IGF1R: variants seen among roughly 807,000 people sequenced by gnomAD.
IGF1R encodes insulin like growth factor 1 receptor.
A neutral mutation model predicts 144.6 loss-of-function variants in IGF1R; 44 were observed. That is an observed-to-expected ratio of 0.30 (90% CI 0.24 to 0.39). The LOEUF (loss-of-function observed/expected upper bound fraction) is 0.39, where lower values mean the gene tolerates loss of function less well. Ranked by LOEUF, IGF1R falls within the 10% of genes least tolerant of loss-of-function variation. The pLI, the probability that IGF1R is intolerant of heterozygous loss-of-function variation, is 1.00. For missense variants in IGF1R, 1,355 were observed against 1,833.7 expected (o/e 0.74, Z 4.77); for synonymous variants, 795 against 722.8 (o/e 1.10, Z -1.60).
chr15:98,776,079 G>A (rs2055706011), intron 2 of IGF1R, among the ~76,000 whole-genome samples: 1 of 152,094 alleles, frequency 6.6e-6, no homozygotes, highest in South Asian at 2.1e-4. Context: ...GACTGACTTT[G>A]GTTTTCTCTT....
intron 2 of IGF1R, among the ~76,000 whole-genome samples, chr15:98,713,182 G>A (rs1174221787): frequency 1.3e-5 from 2 of 152,026 alleles, no homozygotes; most frequent in Admixed American, 1.3e-4. Flanking sequence ...TGCAGATTTC[G>A]GGAGGCCTGT....
intron 2 of IGF1R, among the ~76,000 whole-genome samples, chr15:98,792,882 G>GT (rs2056157866): frequency 6.6e-6 from 1 of 152,348 alleles, no homozygotes; most frequent in South Asian, 2.1e-4. Context: ...ACAGATGTAA[G>GT]TTTAACAGGC....
intron 2 of IGF1R, among the ~76,000 whole-genome samples, chr15:98,847,938 C>T (rs557646146): frequency 5.9e-5 from 9 of 152,284 alleles, no homozygotes; most frequent in African/African-American, 1.9e-4. Context: ...TCCGGGAGCT[C>T]ATTTGCAGAG....
chr15:98,793,718 A>C (rs2056177353), intron 2 of IGF1R, among the ~76,000 whole-genome samples: 1 of 152,216 alleles, frequency 6.6e-6, no homozygotes, highest in Non-Finnish European at 1.5e-5. Context: ...TTTTGCCTCA[A>C]ATCCCTTTCA....
chr15:98,658,597 G>A (rs1056867754), intron 1 of IGF1R, among the ~76,000 whole-genome samples: 2 of 152,204 alleles, frequency 1.3e-5, no homozygotes, highest in South Asian at 2.1e-4. Flanking sequence ...AAGGCAGCAC[G>A]CTAAGTCAGG....
chr15:98,699,177 A>C (rs2053666221), intron 1 of IGF1R, among the ~76,000 whole-genome samples: 1 of 152,268 alleles, frequency 6.6e-6, no homozygotes, highest in Non-Finnish European at 1.5e-5. Flanking sequence ...TGTACCTCAC[A>C]GCACCATCCA....
rs753390403 is a variant in IGF1R at position 98,916,019 on chromosome 15, C to T, written c.1884C>T (p.Ile628=). 1.6e-5 allele frequency: 26 copies of T among 1,613,912 alleles called. No individual in the cohort carries two copies. The highest frequency in any genetic ancestry group is 2.1e-5 in the Non-Finnish European group (25 of 1,179,888). The change falls in exon 9 of 21, where the codon ATC becomes ATT. Residue 628 remains isoleucine (I), a synonymous_variant. Transcript: ENST00000650285. The stretch of plus-strand genomic sequence containing the variant: ...CATCGAACTCCTCTTCTCAGTTAAT[C>T]GTGAAGTGGAACCCTCCCTCTCTGC... ...LSASNSSSQL[I]VKWNPPSLPN... is the part of the protein sequence containing the mutation.
At position 98,942,990 on chromosome 15, in the gene IGF1R, C is replaced by T. The variant is rs147952910; in HGVS notation, c.3525C>T (p.Pro1175=). The change falls in exon 19 of 21, where the codon CCC becomes CCT. Residue 1175 remains proline, a synonymous_variant. Transcript: ENST00000650285. The part of the protein sequence containing the change: ...YYRKGGKGLL[P]VRWMSPESLK... ...GGAAAGGAGGGAAAGGGCTGCTGCC[C>T]GTGCGCTGGATGTCTCCTGAGTCCC... The T allele has an allele frequency of 9.3e-6, 15 of 1,613,986 alleles. No individual in the cohort carries two copies. Among genetic ancestry groups the T allele is most frequent in the East Asian group, 6.7e-5 (3 of 44,888 alleles).
intron 2 of IGF1R, among the ~76,000 whole-genome samples, chr15:98,821,705 A>G (rs2056806896): frequency 6.6e-6 from 1 of 152,234 alleles, no homozygotes; most frequent in African/African-American, 2.4e-5. Context: ...TTTATTCATG[A>G]AACCCGGAAA....
intron 2 of IGF1R, among the ~76,000 whole-genome samples, chr15:98,801,573 C>G (rs367984227): frequency 6.6e-6 from 1 of 152,220 alleles, no homozygotes; most frequent in African/African-American, 2.4e-5. Context: ...GAGCAAACCC[C>G]AAGCCGACTG....
intron 20 of IGF1R, among the ~76,000 whole-genome samples, chr15:98,949,104 C>T (rs1283552044): frequency 6.6e-6 from 1 of 152,188 alleles, no homozygotes. Context: ...AGCCCCGCGC[C>T]CCACCTGTGG....
At chr15:98,955,729 C>T (rs540034044) in intron 20 of IGF1R, among the ~76,000 whole-genome samples, 2 of 152,362 alleles carry the variant, frequency 1.3e-5, no homozygotes, top group African/African-American at 4.8e-5. Context: ...AGTGGCTTCT[C>T]TTACATCAGG....
intron 5 of IGF1R, among the ~76,000 whole-genome samples, chr15:98,902,990 G>A (rs1391112655): frequency 1.3e-5 from 2 of 152,076 alleles, no homozygotes; most frequent in Non-Finnish European, 2.9e-5. Flanking sequence ...ATCGCACTCG[G>A]CGTGAGCTGA....
At chr15:98,837,305 C>T (rs977036710) in intron 2 of IGF1R, among the ~76,000 whole-genome samples, 12 of 152,152 alleles carry the variant, frequency 7.9e-5, no homozygotes, top group African/African-American at 2.7e-4. Context: ...GTGGCGCAAT[C>T]TCGGCTCACT....
intron 1 of IGF1R, among the ~76,000 whole-genome samples, chr15:98,693,380 T>C (rs538439195): frequency 2.0e-5 from 3 of 152,300 alleles, no homozygotes; most frequent in African/African-American, 7.2e-5. Context: ...CACCTTGAGC[T>C]TTGTTCTACA....
At chr15:98,660,338 A>G (rs1209696671) in intron 1 of IGF1R, 1 of 152,194 alleles carries the variant, frequency 6.6e-6, no homozygotes, top group East Asian at 1.9e-4. Flanking sequence ...TTGATTCTGC[A>G]TGCAGAATGA....
intron 5 of IGF1R, among the ~76,000 whole-genome samples, chr15:98,908,294 G>A (rs187189108): frequency 6.6e-6 from 1 of 152,336 alleles, no homozygotes; most frequent in Admixed American, 6.5e-5. Flanking sequence ...CAAAGTGTAC[G>A]CTGTTCCGAT....
intron 2 of IGF1R, among the ~76,000 whole-genome samples, chr15:98,746,120 T>A (rs912401295): frequency 4.6e-5 from 7 of 152,166 alleles, no homozygotes; most frequent in African/African-American, 1.2e-4. Flanking sequence ...CAGGCTTCTT[T>A]TTTGTAAAGT....
At chr15:98,774,733 T>C (rs1398187509) in intron 2 of IGF1R, among the ~76,000 whole-genome samples, 2 of 152,154 alleles carry the variant, frequency 1.3e-5, no homozygotes, top group Non-Finnish European at 2.9e-5. Flanking sequence ...AGTGATGGTT[T>C]CACTTTTGCA....
Sources: gnomAD v4.1 joint callset for allele counts (sites outside exome capture counted in the v4.1 genomes callset) on GRCh38, gnomAD v4.1.1 for gene constraint, MANE v1.5 for transcripts, NCBI Gene and HGNC (gene_info 2026-07-23, HGNC 2026-07-21) for gene names.